Variants in IL1RAPL2 observed in about 807,000 individuals in gnomAD.
The protein encoded by IL1RAPL2 is interleukin 1 receptor accessory protein like 2, also known as X-linked interleukin-1 receptor accessory protein-like 2.
A neutral mutation model predicts 44.1 loss-of-function variants in IL1RAPL2; 3 were observed. That is an observed-to-expected ratio of 0.07 (90% CI 0.03 to 0.18). The LOEUF is 0.18. Ranked by LOEUF, IL1RAPL2 falls within the 10% of genes least tolerant of loss-of-function variation. IL1RAPL2 has a pLI of 1.00. For synonymous variants in IL1RAPL2, 181 were observed against 178.8 expected (o/e 1.01, Z -0.10); for missense variants, 391 against 496.4 (o/e 0.79, Z 2.02).
At chrX:104,918,054 A>G (rs1302627189) in intron 2 of IL1RAPL2, among the ~76,000 whole-genome samples, 1 of 112,348 alleles carries the variant, frequency 8.9e-6, no homozygotes, top group Non-Finnish European at 1.9e-5. Context: ...ACGTTTGTTA[A>G]AAGTCCAATA....
intron 6 of IL1RAPL2, among the ~76,000 whole-genome samples, chrX:105,701,324 A>AG (rs1321911175): frequency 9.9e-5 from 11 of 111,365 alleles, no homozygotes; most frequent in African/African-American, 3.6e-4. Flanking sequence ...CCTACCCTTG[A>AG]GACAACTCAA....
chrX:104,946,986 G>A (rs1329687299), intron 2 of IL1RAPL2, among the ~76,000 whole-genome samples: 12 of 99,799 alleles, frequency 1.2e-4, no homozygotes, highest in Admixed American at 4.5e-4. Context: ...CTGAGGAATC[G>A]CCACACTGAC....
At chrX:104,724,662 G>A (rs1040362615) in intron 2 of IL1RAPL2, among the ~76,000 whole-genome samples, 1 of 111,178 alleles carries the variant, frequency 9.0e-6, no homozygotes, top group African/African-American at 3.3e-5. Context: ...CACCAAAAAG[G>A]CAGATCATCT....
intron 3 of IL1RAPL2, among the ~76,000 whole-genome samples, chrX:105,228,868 T>C (rs1556192265): frequency 8.9e-6 from 1 of 112,142 alleles, no homozygotes; most frequent in Non-Finnish European, 1.9e-5. Context: ...TGTGTCTATG[T>C]TTTACTCCTG....
intron 2 of IL1RAPL2, among the ~76,000 whole-genome samples, chrX:105,051,148 C>T (rs2147527262): frequency 8.9e-6 from 1 of 112,186 alleles, no homozygotes; most frequent in South Asian, 3.7e-4. Flanking sequence ...GGGGACCCAC[C>T]CCTTTTTGCC....
chrX:105,595,113 G>A (rs1439017568), intron 6 of IL1RAPL2, among the ~76,000 whole-genome samples: 1 of 111,849 alleles, frequency 8.9e-6, no homozygotes, highest in Non-Finnish European at 1.9e-5. Flanking sequence ...CAATAGCACA[G>A]AGTTTTTGAT....
intron 1 of IL1RAPL2, among the ~76,000 whole-genome samples, chrX:104,638,871 G>T (rs1359951989): frequency 8.9e-6 from 1 of 112,096 alleles, no homozygotes; most frequent in African/African-American, 3.2e-5. Context: ...TGTATATTAG[G>T]TCAATTTGGT....
At chrX:104,935,928 C>G (rs1925015739) in intron 2 of IL1RAPL2, among the ~76,000 whole-genome samples, 1 of 111,685 alleles carries the variant, frequency 9.0e-6, no homozygotes, top group African/African-American at 3.3e-5. Context: ...TTGTCAACAT[C>G]TTCCATGCAT....
chrX:105,642,996 T>C (rs2037579941), intron 6 of IL1RAPL2, among the ~76,000 whole-genome samples: 2 of 113,113 alleles, frequency 1.8e-5, no homozygotes, highest in African/African-American at 6.4e-5. Flanking sequence ...TAATTTCCCT[T>C]TGGGCTTTTA....
rs939710324 is a variant in IL1RAPL2 at position 104,921,682 on chromosome X, A to G, written c.82+262687A>G. On this transcript the variant is annotated intron_variant, in intron 2 of 10. Transcript: ENST00000372582. ...CACTGTCAGAATAAGAGAAGAGCAC[A>G]GCTCGGGTTCATGTAATGGCATGGG... Among the ~76,000 whole-genome samples the G allele has an allele frequency of 3.5e-5, 4 of 112,860 alleles. No homozygotes were observed. In the South Asian group the frequency reaches 1.1e-3, roughly 31 times the overall value.
Position 105,040,396 on chromosome X carries a change from A to T in IL1RAPL2, c.83-155079A>T, listed in dbSNP as rs138112549. Among the ~76,000 whole-genome samples the T allele has an allele frequency of 7.5e-3, 843 of 111,732 alleles. 13 individuals are homozygous for T. The highest frequency in any genetic ancestry group is 0.026 in the African/African-American group (805 of 30,730). On this transcript the variant is annotated intron_variant, in intron 2 of 10. Coordinates refer to ENST00000372582, the MANE Select transcript of IL1RAPL2 (RefSeq NM_017416.2). ...GGTATGAGGATGATGCTGGCCTCAT[A>T]TAATGAGTTATGGAGGATTCCCTCT...
chrX:105,510,275 A>T (rs2036460095), intron 6 of IL1RAPL2, among the ~76,000 whole-genome samples: 1 of 111,810 alleles, frequency 8.9e-6, no homozygotes, highest in Non-Finnish European at 1.9e-5. Context: ...TTCAACATGG[A>T]ATACTTTACA....
intron 5 of IL1RAPL2, among the ~76,000 whole-genome samples, chrX:105,379,143 A>G (rs1359824530): frequency 1.8e-5 from 2 of 111,856 alleles, no homozygotes; most frequent in Admixed American, 1.9e-4. Flanking sequence ...AAACTATTAC[A>G]GAAATAACTA....
intron 5 of IL1RAPL2, among the ~76,000 whole-genome samples, chrX:105,308,785 C>T (rs1488878287): frequency 9.0e-6 from 1 of 111,494 alleles, no homozygotes; most frequent in Non-Finnish European, 1.9e-5. Context: ...ATATATTTTC[C>T]TTTCTCTTGA....
rs771782104 is a variant in IL1RAPL2, at chrX:105,102,295, G to A, written c.83-93180G>A. On this transcript the variant is annotated intron_variant, in intron 2 of 10. Coordinates refer to ENST00000372582, the MANE Select transcript of IL1RAPL2 (RefSeq NM_017416.2). ...TATGCTAGGCCAGGAGGTAAATAAA[G>A]GCAGATAAAGTTATGGCATCCAGTT... Among the ~76,000 whole-genome samples the A allele has an allele frequency of 2.7e-5, 3 of 111,701 alleles. No individual in the cohort carries two copies. In the East Asian group the frequency reaches 8.5e-4, roughly 32 times the overall value.
chrX:104,923,139 C>T (rs952902749), intron 2 of IL1RAPL2, among the ~76,000 whole-genome samples: 3 of 111,555 alleles, frequency 2.7e-5, no homozygotes, highest in Admixed American at 9.5e-5. Flanking sequence ...ACAAAGCCTT[C>T]GAGAAAAGTA....
chrX:105,187,298 T>C lies in IL1RAPL2; in HGVS notation c.83-8177T>C, dbSNP rs1350424063. 2.7e-5 allele frequency among the ~76,000 whole-genome samples: 3 copies of C among 112,314 alleles called. No homozygotes were observed. In the East Asian group the frequency reaches 8.3e-4, roughly 31 times the overall value. On this transcript the variant is annotated intron_variant, in intron 2 of 10. Transcript: ENST00000372582. ...TTTATTTAAACAATAGAGATTTTAT[T>C]GTACAAAATTTTGCATTCTGTTTTT...
At chrX:105,614,814 A>C (rs1239872696) in intron 6 of IL1RAPL2, among the ~76,000 whole-genome samples, 1 of 111,823 alleles carries the variant, frequency 8.9e-6, no homozygotes, top group East Asian at 2.8e-4. Context: ...CAACTAAAGC[A>C]AAAATGGACA....
At chrX:105,554,814 G>C (rs750146753) in intron 6 of IL1RAPL2, among the ~76,000 whole-genome samples, 2 of 110,985 alleles carry the variant, frequency 1.8e-5, no homozygotes, top group Admixed American at 1.9e-4. Flanking sequence ...TTAAATCCTT[G>C]AACATAGTTA....
Sources: gnomAD v4.1 joint callset for allele counts (sites outside exome capture counted in the v4.1 genomes callset) on GRCh38, gnomAD v4.1.1 for gene constraint, MANE v1.5 for transcripts, NCBI Gene and HGNC (gene_info 2026-07-23, HGNC 2026-07-21) for gene names.